HSPA14: variants seen among roughly 807,000 people sequenced by gnomAD.
HSPA14 encodes the protein heat shock protein family A (Hsp70) member 14.
A neutral mutation model predicts 65.5 loss-of-function variants in HSPA14; 37 were observed. The ratio of observed to expected loss-of-function variants is 0.56; its 90% CI spans 0.43 to 0.74. HSPA14 has a LOEUF of 0.74. Among genes scored for constraint, HSPA14 ranks in the 30% least tolerant of loss-of-function variants. The probability of loss-of-function intolerance (pLI) is 0.00; values close to 1 mark genes in which losing one functional copy is unlikely to be tolerated. For missense variants in HSPA14, 564 were observed against 607.6 expected, an observed-to-expected ratio of 0.93 and a Z score of 0.75; for synonymous variants, 203 against 214.2, an observed-to-expected ratio of 0.95 and a Z score of 0.46.
chr10:14,844,906 C>G, intron 3 of HSPA14: 1 of 985,396 alleles, frequency 1.0e-6, no homozygotes, highest in Non-Finnish European at 1.2e-6. Flanking sequence ...TTATACAGGG[C>G]AAGCCCTAGA....
At position 14,860,545 on chromosome 10, in the gene HSPA14, T is replaced by G. The variant is rs139762073; in HGVS notation, c.993+4602T>G. Among the ~76,000 whole-genome samples the G allele has an allele frequency of 3.3e-5, 5 of 152,180 alleles. No individual in the cohort carries two copies. In the East Asian group the frequency reaches 9.7e-4, roughly 29 times the overall value. ...CAGAGTCCTGAATGAAGTGAAGTGA[T>G]AGAACAAGCCATGTGAATATCTACC... is the stretch of plus-strand genomic sequence containing the variant. On this transcript the variant is annotated intron_variant, in intron 10 of 13. Coordinates refer to ENST00000378372, the MANE Select transcript of HSPA14 (RefSeq NM_016299.4).
chr10:14,849,556 A>C, intron 5 of HSPA14, 165 bp from the exon 6 acceptor site: 1 of 699,598 alleles, frequency 1.4e-6, no homozygotes, highest in Non-Finnish European at 2.7e-6. Context: ...GAAGTGCTGC[A>C]TGATTTCAGA....
chr10:14,857,631 A>T (rs949291624), intron 10 of HSPA14, among the ~76,000 whole-genome samples: 2 of 152,290 alleles, frequency 1.3e-5, no homozygotes, highest in East Asian at 3.9e-4. Context: ...ATTTTACATA[A>T]TCGGAATATT....
At chr10:14,851,401 T>C in intron 7 of HSPA14, 78 bp downstream of exon 7, 1 of 844,812 alleles carries the variant, frequency 1.2e-6, no homozygotes, top group South Asian at 1.4e-5. Flanking sequence ...TCAGTAAAGA[T>C]TATTATGTAA....
chr10:14,843,902 T>C, intron 3 of HSPA14: 3 of 1,536,098 alleles, frequency 2.0e-6, no homozygotes, highest in East Asian at 2.4e-5. Flanking sequence ...TAGGAACCAA[T>C]TACAAAAGGC....
intron 3 of HSPA14, chr10:14,843,506 G>A (rs1244436966): frequency 1.9e-6 from 3 of 1,550,672 alleles, no homozygotes; most frequent in East Asian, 2.4e-5. Flanking sequence ...ACCAACCGCA[G>A]CACTCCTGGG....
chr10:14,861,310 G>T (rs1832748665), intron 10 of HSPA14, among the ~76,000 whole-genome samples: 1 of 152,134 alleles, frequency 6.6e-6, no homozygotes, highest in African/African-American at 2.4e-5. Flanking sequence ...TTGAGACTCT[G>T]TCCAAAAACA....
intron 9 of HSPA14, 76 bp downstream of exon 9, chr10:14,854,356 G>A: frequency 8.0e-7 from 1 of 1,250,488 alleles, no homozygotes; most frequent in Admixed American, 2.5e-5. Flanking sequence ...TCTTACTTTG[G>A]GTTTTTTGTT....
chr10:14,858,228 C>T (rs567665675), intron 10 of HSPA14, among the ~76,000 whole-genome samples: 6 of 152,308 alleles, frequency 3.9e-5, no homozygotes, highest in Non-Finnish European at 7.3e-5. Flanking sequence ...TGTTGCATAT[C>T]GTGACAAATA....
At chr10:14,839,095 T>G (rs1442297687) in intron 1 of HSPA14, among the ~76,000 whole-genome samples, 3 of 152,156 alleles carry the variant, frequency 2.0e-5, no homozygotes, top group Non-Finnish European at 4.4e-5. Flanking sequence ...CAGTTGATGG[T>G]GCGTGGTCTA....
Position 14,867,273 on chromosome 10 carries a change from C to T in HSPA14, c.1184C>T (p.Ser395Leu). Residue 395 changes from serine (S) to leucine (L), a missense_variant, in exon 11 of 14, where the codon TCA becomes TTA. Transcript: ENST00000378372. ...GAAGACTCTCTTATGATAGAGTGTT[C>T]AGCCAGAGATATTTTAGTTAAGGTA... Reference protein sequence around the residue: ...LVEDSLMIECSARDILVKGVD... With the variant: ...LVEDSLMIECLARDILVKGVD... The T allele has an allele frequency of 6.2e-7, 1 of 1,613,078 alleles. No homozygotes were observed. Among genetic ancestry groups the T allele is most frequent in the East Asian group, 2.2e-5 (1 of 44,810 alleles).
At chr10:14,849,605 AG>A (rs2094420042) in intron 5 of HSPA14, 115 bp from the exon 6 acceptor site, 3 of 839,654 alleles carry the variant, frequency 3.6e-6, no homozygotes, top group Non-Finnish European at 5.9e-6. Context: ...GGGGTGGGCA[AG>A]CAAGTGTATT....
In HSPA14 at chr10:14,867,666, A is replaced by G. The variant is rs1259351808; in HGVS notation, c.1207-70A>G. On this transcript the variant is annotated intron_variant, in intron 11 of 13. Coordinates refer to ENST00000378372, the MANE Select transcript of HSPA14 (RefSeq NM_016299.4). Reference sequence around the variant, plus strand: ...TCAATAAGGAATATATATCTCATTTATAATGGGAAGTTTTTTTCAATTGTA... The same window carrying G: ...TCAATAAGGAATATATATCTCATTTGTAATGGGAAGTTTTTTTCAATTGTA... 2.2e-6 allele frequency: 3 copies of G among 1,347,352 alleles called. No individual in the cohort carries two copies. The East Asian group carries it at 6.9e-5, about 31-fold the overall frequency. The allele number at this position is 1,347,352 out of a possible 1,614,324, so 83.5% of individuals were successfully genotyped here.
intron 8 of HSPA14, among the ~76,000 whole-genome samples, chr10:14,853,084 TA>T (rs538080301): frequency 0.016 from 2,231 of 141,310 alleles, 25 homozygotes; most frequent in African/African-American, 0.038. Context: ...ACTGCTGCTC[TA>T]AAAAAAAAAA....
intron 3 of HSPA14, chr10:14,845,081 T>G: frequency 1.0e-6 from 1 of 985,374 alleles, no homozygotes; most frequent in Non-Finnish European, 1.2e-6. Context: ...AATAGATGAC[T>G]CCTTTTAAGC....
chr10:14,867,603 T>G, intron 11 of HSPA14, 133 bp from the exon 12 acceptor site: 1 of 760,270 alleles, frequency 1.3e-6, no homozygotes, highest in Non-Finnish European at 2.2e-6. Flanking sequence ...GATTAAGGAT[T>G]ATTTCTATTT....
At position 14,842,339 on chromosome 10, in the gene HSPA14, A is replaced by C; in HGVS notation, c.221+2182A>C. 1 of 1,535,742 alleles carries C rather than the reference A, an allele frequency of 6.5e-7. No homozygotes were observed. Among genetic ancestry groups the C allele is most frequent in the South Asian group, 1.2e-5 (1 of 84,030 alleles). On this transcript the variant is annotated intron_variant, in intron 3 of 13. Transcript: ENST00000378372. This position sits in a 1 kb window ranked among gnomAD's most constrained non-coding sequence, Gnocchi z 5.2. The stretch of plus-strand genomic sequence containing the variant: ...CCGGTGGTCCAGACAGGAGACACGA[A>C]CTCTTCTCTCCATACTAGGCGAGGC...
rs1451625341 is a variant in HSPA14, at chr10:14,843,349, A to G, written c.221+3192A>G. The stretch of plus-strand genomic sequence containing the variant: ...CCTTAGCAGGAATGTTCTCTTTGCA[A>G]CATTGTTGCTTTGTTTTTCAGGGTG... On this transcript the variant is annotated intron_variant, in intron 3 of 13. Transcript: ENST00000378372. 2.6e-6 allele frequency: 4 copies of G among 1,550,450 alleles called. No individual in the cohort carries two copies. The African/African-American group carries it at 4.1e-5, about 16-fold the overall frequency.
Position 14,842,640 on chromosome 10 carries a change from A to G in HSPA14, c.221+2483A>G. On this transcript the variant is annotated intron_variant, in intron 3 of 13. Coordinates refer to ENST00000378372, the MANE Select transcript of HSPA14 (RefSeq NM_016299.4). The surrounding 1 kb of genome is among the most constrained non-coding windows in gnomAD (Gnocchi z 5.2). ...TTAATGGAGGATGCTGCTTGGGCCAAGCACTGTGATCAGAACTTAGTGGCC... is the reference window on the plus strand; with the variant it reads ...TTAATGGAGGATGCTGCTTGGGCCAGGCACTGTGATCAGAACTTAGTGGCC... 6.5e-7 allele frequency: 1 copy of G among 1,536,242 alleles called. No homozygotes were observed. The highest frequency in any genetic ancestry group is 1.4e-5 in the African/African-American group (1 of 73,156).
Sources: gnomAD v4.1 joint callset for allele counts (sites outside exome capture counted in the v4.1 genomes callset) on GRCh38, gnomAD v4.1.1 for gene constraint, Gnocchi (gnomAD v3.1) non-coding constraint, MANE v1.5 for transcripts, NCBI Gene and HGNC (gene_info 2026-07-23, HGNC 2026-07-21) for gene names.